Variants in CTDSPL2 observed in about 807,000 individuals in gnomAD.
CTDSPL2 encodes CTD small phosphatase-like protein 2.
CTDSPL2 carries 5 observed loss-of-function variants against 60.0 expected under a neutral mutation model. The ratio of observed to expected loss-of-function variants is 0.08; its 90% CI spans 0.04 to 0.18. The LOEUF (loss-of-function observed/expected upper bound fraction) is 0.18, where lower values mean the gene tolerates loss of function less well. Ranked by LOEUF, CTDSPL2 falls within the 10% of genes least tolerant of loss-of-function variation. The pLI is 1.00. For missense variants in CTDSPL2, 370 were observed against 548.8 expected (o/e 0.67, Z 3.26); for synonymous variants, 186 against 189.3 (o/e 0.98, Z 0.14).
Position 44,455,599 on chromosome 15 carries a change from A to G in CTDSPL2, c.-24-3392A>G, listed in dbSNP as rs554612333. On this transcript the variant is annotated intron_variant, in intron 1 of 12. Coordinates refer to ENST00000260327, the MANE Select transcript of CTDSPL2 (RefSeq NM_016396.3). Reference sequence around the variant, plus strand: ...TATTATTTTGAGATACATCCCATCAATACCTAATTTATTGAGAGTTTTTGG... The same window carrying G: ...TATTATTTTGAGATACATCCCATCAGTACCTAATTTATTGAGAGTTTTTGG... 1.7e-3 allele frequency among the ~76,000 whole-genome samples: 263 copies of G among 152,274 alleles called. 1 individual carries two copies. The highest frequency in any genetic ancestry group is 6.1e-3 in the African/African-American group (254 of 41,542).
At chr15:44,437,874 A>G (rs771535166) in intron 1 of CTDSPL2, among the ~76,000 whole-genome samples, 1 of 152,210 alleles carries the variant, frequency 6.6e-6, no homozygotes, top group African/African-American at 2.4e-5. Flanking sequence ...GTTTTAAACA[A>G]TGAAGATAAT....
intron 8 of CTDSPL2, among the ~76,000 whole-genome samples, chr15:44,508,093 T>C (rs2081502290): frequency 6.6e-6 from 1 of 151,990 alleles, no homozygotes; most frequent in Admixed American, 6.6e-5. Context: ...TTTTTCTTTT[T>C]TTTTTTGGAG....
At chr15:44,478,972 A>C (rs1409908355) in intron 2 of CTDSPL2, among the ~76,000 whole-genome samples, 1 of 152,142 alleles carries the variant, frequency 6.6e-6, no homozygotes, top group Non-Finnish European at 1.5e-5. Context: ...AAAACAAATA[A>C]AAAATAATAA....
At chr15:44,514,334 T>G (rs2081614666) in intron 8 of CTDSPL2, among the ~76,000 whole-genome samples, 1 of 152,160 alleles carries the variant, frequency 6.6e-6, no homozygotes, top group African/African-American at 2.4e-5. Context: ...TTTATTAAAA[T>G]TACATACCAG....
chr15:44,477,627 G>A (rs1044175920), intron 2 of CTDSPL2, among the ~76,000 whole-genome samples: 2 of 151,730 alleles, frequency 1.3e-5, no homozygotes, highest in African/African-American at 4.8e-5. Context: ...ACCTGAGGTC[G>A]GGAGTTCAAG....
intron 6 of CTDSPL2, 146 bp downstream of exon 6, chr15:44,496,604 C>CT: frequency 1.6e-6 from 1 of 636,266 alleles, no homozygotes; most frequent in Non-Finnish European, 2.7e-6. Context: ...GGTGCAGTGG[C>CT]TCATCCCAGC....
intron 5 of CTDSPL2, among the ~76,000 whole-genome samples, chr15:44,495,536 G>A (rs1254845809): frequency 6.7e-6 from 1 of 149,574 alleles, no homozygotes; most frequent in Non-Finnish European, 1.5e-5. Flanking sequence ...GTGACAGAGC[G>A]AGACTCCGCC....
At chr15:44,471,270 A>C (rs117427731) in intron 2 of CTDSPL2, among the ~76,000 whole-genome samples, 1,594 of 152,278 alleles carry the variant, frequency 0.01, 17 homozygotes, top group Non-Finnish European at 0.018. Context: ...TGGCTATTAT[A>C]AATAAAGTTG....
chr15:44,450,139 G>A (rs1032399056), intron 1 of CTDSPL2, among the ~76,000 whole-genome samples: 1 of 152,032 alleles, frequency 6.6e-6, no homozygotes, highest in Non-Finnish European at 1.5e-5. Context: ...TGAATTAAGA[G>A]CATTTTTCAA....
Position 44,520,368 on chromosome 15 carries a change from C to G in CTDSPL2, c.1240-943C>G, listed in dbSNP as rs1300291835. ...TTTGCTGTGTTGGCCAGGCTGGTCT[C>G]GAACTTCTGACCTCAGGTGATCCCA... is the stretch of plus-strand genomic sequence containing the variant. On this transcript the variant is annotated intron_variant, in intron 11 of 12. Transcript: ENST00000260327. 4 of 151,962 alleles carry G rather than the reference C, an allele frequency of 2.6e-5. No homozygotes were observed. The East Asian group carries it at 7.7e-4, about 29-fold the overall frequency. The allele number at this position is 151,962 out of a possible 1,614,324, so 9.4% of individuals were successfully genotyped here. A position where few individuals can be genotyped will look rare whatever the true frequency, so the allele number is the denominator to read the frequency against.
chr15:44,473,138 G>A (rs2080845053), intron 2 of CTDSPL2, among the ~76,000 whole-genome samples: 1 of 152,136 alleles, frequency 6.6e-6, no homozygotes, highest in East Asian at 1.9e-4. Context: ...CCTTTTCAGA[G>A]ATATGCAAAT....
At chr15:44,481,920 C>G (rs2081034464) in intron 2 of CTDSPL2, among the ~76,000 whole-genome samples, 1 of 152,202 alleles carries the variant, frequency 6.6e-6, no homozygotes, top group African/African-American at 2.4e-5. Flanking sequence ...GATATTCTCT[C>G]TCCAGAGAGG....
chr15:44,518,868 A>C (rs1202493444), intron 10 of CTDSPL2: 1 of 163,328 alleles, frequency 6.1e-6, no homozygotes, highest in Non-Finnish European at 1.3e-5. Flanking sequence ...TTCTTGGGTA[A>C]ATAAATTACA....
At chr15:44,444,770 C>T (rs1329184728) in intron 1 of CTDSPL2, among the ~76,000 whole-genome samples, 18 of 148,310 alleles carry the variant, frequency 1.2e-4, no homozygotes, top group Admixed American at 1.2e-3. Context: ...TATAGTTTTC[C>T]CAGTACCAGA....
At chr15:44,471,648 G>A (rs916057537) in intron 2 of CTDSPL2, among the ~76,000 whole-genome samples, 1 of 152,058 alleles carries the variant, frequency 6.6e-6, no homozygotes, top group African/African-American at 2.4e-5. Context: ...TAGTAGTATC[G>A]TTCATTCATT....
intron 1 of CTDSPL2, chr15:44,448,810 A>G (rs1478663324): frequency 6.0e-6 from 2 of 331,794 alleles, no homozygotes; most frequent in South Asian, 2.7e-5. Context: ...CTTAGGAGGG[A>G]AAAAAAAATC....
chr15:44,430,079 TC>T (rs1440955464), intron 1 of CTDSPL2, among the ~76,000 whole-genome samples: 2 of 152,190 alleles, frequency 1.3e-5, no homozygotes, highest in African/African-American at 4.8e-5. Context: ...GGAAGTCTTT[TC>T]TTTTCAGATT....
intron 1 of CTDSPL2, among the ~76,000 whole-genome samples, chr15:44,432,469 G>A (rs1057200635): frequency 2.6e-5 from 4 of 151,396 alleles, no homozygotes; most frequent in East Asian, 2.0e-4. Flanking sequence ...ATAGGCACAC[G>A]CCACCATGCT....
intron 8 of CTDSPL2, among the ~76,000 whole-genome samples, chr15:44,502,393 T>C (rs1278433606): frequency 3.3e-5 from 5 of 152,280 alleles, no homozygotes; most frequent in Middle Eastern, 3.4e-3. Flanking sequence ...ATTTTAACTC[T>C]ACATGTTATT....
Sources: gnomAD v4.1 joint callset for allele counts (sites outside exome capture counted in the v4.1 genomes callset) on GRCh38, gnomAD v4.1.1 for gene constraint, MANE v1.5 for transcripts, NCBI Gene and HGNC (gene_info 2026-07-23, HGNC 2026-07-21) for gene names.